Variants in DENND5A observed in about 807,000 individuals in gnomAD.
The protein encoded by DENND5A is DENN domain-containing protein 5A.
Under a neutral mutation model 140.3 loss-of-function variants are expected in DENND5A, and 64 were observed. The observed-to-expected ratio is 0.46, with a 90% CI of 0.37 to 0.56. DENND5A has a LOEUF of 0.56. DENND5A is among the 20% of genes least tolerant of loss of function. The pLI, the probability that DENND5A is intolerant of heterozygous loss-of-function variation, is 0.00. For synonymous variants in DENND5A, 605 were observed against 607.7 expected (o/e 1.00, Z 0.07); for missense variants, 1,292 against 1,593.8 (o/e 0.81, Z 3.22).
Position 9,170,617 on chromosome 11 carries a change from G to T in DENND5A, c.2057+10C>A, listed in dbSNP as rs1392333091. On this transcript the variant is annotated intron_variant, in intron 9 of 22. Coordinates refer to ENST00000328194, the MANE Select transcript of DENND5A (RefSeq NM_015213.4). ...GGAGTTGGATTAGTGAATCCCTGGG[G>T]TTGACTCACTTGTTGCTGGCTGGCC... 1 of 1,613,580 alleles carries T rather than the reference G, an allele frequency of 6.2e-7. No individual in the cohort carries two copies. The highest frequency in any genetic ancestry group is 8.5e-7 in the Non-Finnish European group (1 of 1,179,904).
intron 8 of DENND5A, chr11:9,171,184 A>G (rs1848362040): frequency 5.9e-6 from 1 of 168,302 alleles, no homozygotes; most frequent in Admixed American, 5.8e-5. Flanking sequence ...AATCCAGGGG[A>G]TCTGCAGGGC....
At chr11:9,213,309 T>C (rs575461238) in intron 1 of DENND5A, among the ~76,000 whole-genome samples, 1 of 152,032 alleles carries the variant, frequency 6.6e-6, no homozygotes, top group East Asian at 1.9e-4. Flanking sequence ...AATATCTATA[T>C]AGTTCTGCAA....
chr11:9,150,230 G>C (rs1372638010), intron 14 of DENND5A, 21 bp from the exon 15 acceptor site: 1 of 1,611,480 alleles, frequency 6.2e-7, no homozygotes, highest in Non-Finnish European at 8.5e-7. Flanking sequence ...AATGTAAAAA[G>C]GAAGTGGAGG....
At chr11:9,228,847 C>T (rs566320130) in intron 1 of DENND5A, among the ~76,000 whole-genome samples, 1 of 152,294 alleles carries the variant, frequency 6.6e-6, no homozygotes, top group Non-Finnish European at 1.5e-5. Flanking sequence ...CGCAAACTTG[C>T]CCCATCCATC....
chr11:9,150,642 G>C (rs931584571), intron 14 of DENND5A, 38 bp downstream of exon 14: 7 of 1,487,216 alleles, frequency 4.7e-6, no homozygotes, highest in Non-Finnish European at 6.5e-6. Context: ...ACTGAAAACA[G>C]GATTTTAGTG....
intron 13 of DENND5A, among the ~76,000 whole-genome samples, chr11:9,151,118 T>C (rs920231700): frequency 6.6e-5 from 10 of 152,148 alleles, no homozygotes; most frequent in Non-Finnish European, 1.2e-4. Context: ...TCCTAGTCTA[T>C]CATGCTCTCA....
Position 9,178,304 on chromosome 11 carries a change from G to T in DENND5A, c.1734C>A (p.Thr578=). The T allele has an allele frequency of 6.2e-7, 1 of 1,613,920 alleles. No homozygotes were observed. The highest frequency in any genetic ancestry group is 8.5e-7 in the Non-Finnish European group (1 of 1,179,940). The stretch of plus-strand genomic sequence containing the variant: ...TGTCAATGAAAGATGCAAACATCTG[G>T]GTCTCCAGGAATCTTGAGAGGAAGG... The part of the protein sequence containing the change: ...YLPFLSRFLE[T]QMFASFIDNK... The change falls in exon 8 of 23, where the codon ACC becomes ACA. Residue 578 remains threonine (T), a synonymous_variant. Coordinates refer to ENST00000328194, the MANE Select transcript of DENND5A (RefSeq NM_015213.4).
At chr11:9,217,330 A>G (rs546046283) in intron 1 of DENND5A, among the ~76,000 whole-genome samples, 78 of 152,142 alleles carry the variant, frequency 5.1e-4, no homozygotes, top group Non-Finnish European at 1.1e-3. Flanking sequence ...CCTGGCCAAC[A>G]TGGTGAAACC....
intron 5 of DENND5A, among the ~76,000 whole-genome samples, chr11:9,181,729 A>T (rs546962346): frequency 6.0e-4 from 91 of 152,110 alleles, no homozygotes; most frequent in Non-Finnish European, 1.1e-3. Flanking sequence ...ACAGAGTGAG[A>T]CTCTGTCTCA....
chr11:9,187,298 T>C (rs1164624378), intron 5 of DENND5A, among the ~76,000 whole-genome samples: 2 of 152,172 alleles, frequency 1.3e-5, no homozygotes, highest in East Asian at 1.9e-4. Context: ...GGTTACTTCT[T>C]ACCTAACAGC....
chr11:9,202,291 T>C (rs1320572350), intron 4 of DENND5A, among the ~76,000 whole-genome samples: 1 of 152,180 alleles, frequency 6.6e-6, no homozygotes, highest in Non-Finnish European at 1.5e-5. Flanking sequence ...CATTATCGGG[T>C]ACCAGAGAAA....
In DENND5A at chr11:9,193,623, CT is replaced by C; in HGVS notation, c.1007del (p.Gln336ArgfsTer18). On this transcript the variant is annotated frameshift_variant, in exon 5 of 23. Transcript: ENST00000328194. LOFTEE classifies it high-confidence loss of function. Reference sequence around the variant, plus strand: ...GAATAGGGACATAGACATGCTGCCACTGGAAAGGAAACATGAGAGCTGTAAT... The same window carrying C: ...GAATAGGGACATAGACATGCTGCCACGGAAAGGAAACATGAGAGCTGTAAT... ...ETITALMFPF[Q>X]WQHVYVPILP... The C allele has an allele frequency of 6.2e-7, 1 of 1,614,030 alleles. No homozygotes were observed. The highest frequency in any genetic ancestry group is 8.5e-7 in the Non-Finnish European group (1 of 1,179,972).
At chr11:9,188,203 G>A (rs549728132) in intron 5 of DENND5A, among the ~76,000 whole-genome samples, 1 of 152,112 alleles carries the variant, frequency 6.6e-6, no homozygotes, top group African/African-American at 2.4e-5. Context: ...TTTATAAGGG[G>A]GAGTTTCCCT....
In DENND5A at chr11:9,142,767, T is replaced by C; in HGVS notation, c.3466A>G (p.Lys1156Glu). 6.2e-7 allele frequency: 1 copy of C among 1,614,156 alleles called. No homozygotes were observed. The highest frequency in any genetic ancestry group is 8.5e-7 in the Non-Finnish European group (1 of 1,180,030). Residue 1156 changes from lysine (K) to glutamate (E), a missense_variant, in exon 21 of 23, where the codon AAA (lysine) becomes GAA (glutamate). By Grantham distance (56) the Lys-to-Glu change is moderately conservative. This residue lies in a region of DENND5A where 498 missense variants were observed against 689.7 expected (regional missense o/e 0.72). Transcript: ENST00000328194. Reference protein sequence around the residue: ...ALEQAFQHGFKSPRLFKNVFI... With the variant: ...ALEQAFQHGFESPRLFKNVFI... ...ACATTTTTGAAGAGCCGGGGCGATTTAAATCCATGCTGGAAAGCCTGTTCC... is the reference window on the plus strand; with the variant it reads ...ACATTTTTGAAGAGCCGGGGCGATTCAAATCCATGCTGGAAAGCCTGTTCC...
intron 4 of DENND5A, among the ~76,000 whole-genome samples, chr11:9,202,963 A>G (rs376985532): frequency 2.0e-5 from 3 of 152,154 alleles, no homozygotes; most frequent in Non-Finnish European, 4.4e-5. Flanking sequence ...CATATTTTAT[A>G]TATTTATTTA....
intron 5 of DENND5A, among the ~76,000 whole-genome samples, chr11:9,184,955 G>T (rs1032722755): frequency 6.6e-6 from 1 of 152,164 alleles, no homozygotes; most frequent in Non-Finnish European, 1.5e-5. Flanking sequence ...ACTTTGGGAG[G>T]CCAGGTGGGT....
intron 8 of DENND5A, among the ~76,000 whole-genome samples, chr11:9,173,870 C>T (rs1239835455): frequency 2.6e-5 from 4 of 151,888 alleles, no homozygotes; most frequent in East Asian, 1.9e-4. Context: ...TTTGGGAGGC[C>T]GAGGCGGGCG....
intron 4 of DENND5A, among the ~76,000 whole-genome samples, chr11:9,202,338 A>C (rs1849549947): frequency 6.6e-6 from 1 of 152,190 alleles, no homozygotes; most frequent in African/African-American, 2.4e-5. Flanking sequence ...AGGTTTTCCA[A>C]ATTTGATCAA....
chr11:9,174,363 C>T (rs1422869788), intron 8 of DENND5A, among the ~76,000 whole-genome samples: 2 of 151,652 alleles, frequency 1.3e-5, no homozygotes, highest in African/African-American at 4.8e-5. Context: ...AATAAATACC[C>T]TTTAAATATA....
Sources: allele counts gnomAD v4.1 joint callset (sites outside exome capture counted in the v4.1 genomes callset), GRCh38; gene constraint gnomAD v4.1.1; regional missense constraint gnomAD v4.1.1; transcripts MANE v1.5; gene names NCBI Gene and HGNC (gene_info 2026-07-23, HGNC 2026-07-21).